Variants in TOPAZ1 observed in about 807,000 individuals in gnomAD.
TOPAZ1 encodes the protein protein TOPAZ1.
Under a neutral mutation model 172.2 loss-of-function variants are expected in TOPAZ1, and 66 were observed. The ratio of observed to expected loss-of-function variants is 0.38; its 90% CI spans 0.31 to 0.47. TOPAZ1 has a LOEUF of 0.47. TOPAZ1 is among the 20% of genes least tolerant of loss of function. The probability of loss-of-function intolerance (pLI) is 0.99; values close to 1 mark genes in which losing one functional copy is unlikely to be tolerated. For missense variants in TOPAZ1, 1,822 were observed against 1,972.4 expected (o/e 0.92, Z 1.44); for synonymous variants, 681 against 683.9 (o/e 1.00, Z 0.07).
In TOPAZ1 at chr3:44,254,987, T is replaced by C; in HGVS notation, c.2785T>C (p.Cys929Arg). ...DDLRELPVLD[C>R]GWIKPDICAS... Reference sequence around the variant, plus strand: ...TAATAGAGAACTTCCTGTACTGGACTGTGGATGGATAAAGCCAGACATCTG... The same window carrying C: ...TAATAGAGAACTTCCTGTACTGGACCGTGGATGGATAAAGCCAGACATCTG... Residue 929 changes from cysteine to arginine, a missense_variant, in exon 3 of 20, where the codon TGT becomes CGT. By Grantham distance (180) the Cys-to-Arg change is radical. This residue lies in a region of TOPAZ1 where 1,489 missense variants were observed against 1,490.8 expected (regional missense o/e 1.00). Coordinates refer to ENST00000309765, the MANE Select transcript of TOPAZ1 (RefSeq NM_001145030.2). 6.4e-7 allele frequency: 1 copy of C among 1,551,534 alleles called. No homozygotes were observed. Among genetic ancestry groups the C allele is most frequent in the Non-Finnish European group, 8.7e-7 (1 of 1,146,760 alleles).
chr3:44,244,101 C>G lies in TOPAZ1; in HGVS notation c.1595C>G (p.Pro532Arg), dbSNP rs34196405. ...SQESCRQVDVPKHQTNQTHLT... is the reference protein window; with the variant it reads ...SQESCRQVDVRKHQTNQTHLT... ...GAAAGTTGTAGGCAAGTTGATGTCC[C>G]TAAACACCAAACAAACCAGACCCAT... The change falls in exon 2 of 20, where the codon CCT becomes CGT. Residue 532 changes from proline (P) to arginine (R), a missense_variant. By Grantham distance (103) the Pro-to-Arg change is moderately radical. This residue lies in a region of TOPAZ1 where 1,489 missense variants were observed against 1,490.8 expected (regional missense o/e 1.00). Transcript: ENST00000309765. The G allele has an allele frequency of 3.9e-6, 6 of 1,551,502 alleles. No homozygotes were observed. The highest frequency in any genetic ancestry group is 5.2e-6 in the Non-Finnish European group (6 of 1,146,968).
At chr3:44,306,567 G>C (rs954226030) in intron 15 of TOPAZ1, 141 bp downstream of exon 15, 1 of 501,882 alleles carries the variant, frequency 2.0e-6, no homozygotes, top group Non-Finnish European at 3.6e-6. Context: ...ACTAGTGAGT[G>C]ATTTATTAGA....
intron 2 of TOPAZ1, among the ~76,000 whole-genome samples, chr3:44,252,062 T>C (rs958795579): frequency 6.6e-6 from 1 of 152,224 alleles, no homozygotes; most frequent in Non-Finnish European, 1.5e-5. Context: ...TTTACCTTCC[T>C]TGTAAGTTAG....
chr3:44,278,081 A>G (rs931230842), intron 8 of TOPAZ1, among the ~76,000 whole-genome samples: 2 of 152,174 alleles, frequency 1.3e-5, no homozygotes, highest in African/African-American at 4.8e-5. Flanking sequence ...TGAGATTTTT[A>G]TCATGAAGGG....
Position 44,244,807 on chromosome 3 carries a change from T to C in TOPAZ1, c.2301T>C (p.Tyr767=). The part of the protein sequence containing the change: ...SSDSFYNKKS[Y]SISPSFTKQG... ...ACTCATTCTACAATAAGAAATCCTA[T>C]AGTATTTCTCCAAGCTTTACAAAGC... Residue 767 remains tyrosine (Y), a synonymous_variant, in exon 2 of 20, where the codon TAT becomes TAC. Transcript: ENST00000309765. The C allele has an allele frequency of 6.4e-7, 1 of 1,551,604 alleles. No homozygotes were observed. The highest frequency in any genetic ancestry group is 1.2e-5 in the South Asian group (1 of 84,068).
At chr3:44,288,034 A>G (rs974389843) in intron 11 of TOPAZ1, among the ~76,000 whole-genome samples, 195 bp downstream of exon 11, 2 of 152,046 alleles carry the variant, frequency 1.3e-5, no homozygotes, top group African/African-American at 4.8e-5. Flanking sequence ...CTTCCTCTTA[A>G]ATAGTTTCAG....
At chr3:44,253,693 C>T (rs1177346625) in intron 2 of TOPAZ1, among the ~76,000 whole-genome samples, 1 of 152,110 alleles carries the variant, frequency 6.6e-6, no homozygotes, top group Non-Finnish European at 1.5e-5. Flanking sequence ...TGTATGTTTT[C>T]TGTTTGTATT....
intron 5 of TOPAZ1, among the ~76,000 whole-genome samples, chr3:44,263,183 A>C (rs1699793725): frequency 6.6e-6 from 1 of 152,200 alleles, no homozygotes; most frequent in South Asian, 2.1e-4. Context: ...GTGTTAAGGG[A>C]AAGACTGGGC....
downstream of TOPAZ1, chr3:44,332,165 A>G (rs1700678745): frequency 1.7e-6 from 1 of 582,220 alleles, no homozygotes; most frequent in Non-Finnish European, 3.0e-6. Context: ...TTTTATTGAT[A>G]TGTAATTTTC....
chr3:44,305,312 G>T lies in TOPAZ1; in HGVS notation c.4030G>T (p.Ala1344Ser). ...ERPDIPFCEF[A>S]ETVSKDPQNS... ...ACCAGATATTCCCTTTTGTGAATTTGCTGAAACAGGTAAAATGTAACTATT... is the reference window on the plus strand; with the variant it reads ...ACCAGATATTCCCTTTTGTGAATTTTCTGAAACAGGTAAAATGTAACTATT... The change falls in exon 14 of 20, where the codon GCT becomes TCT. Residue 1344 changes from alanine to serine, a missense_variant. Physicochemically the swap from Ala to Ser is moderately conservative, Grantham distance 99. This residue lies in a region of TOPAZ1 where 333 missense variants were observed against 481.7 expected (regional missense o/e 0.69). Transcript: ENST00000309765. 2 of 1,535,608 alleles carry T rather than the reference G, an allele frequency of 1.3e-6. No individual in the cohort carries two copies.
chr3:44,298,382 C>A (rs991500569), intron 12 of TOPAZ1, among the ~76,000 whole-genome samples: 9 of 151,974 alleles, frequency 5.9e-5, no homozygotes, highest in African/African-American at 2.2e-4. Flanking sequence ...CACTTGAGCC[C>A]CAGAGGTAGA....
intron 4 of TOPAZ1, among the ~76,000 whole-genome samples, chr3:44,261,817 G>A (rs1471284129): frequency 6.6e-5 from 10 of 152,076 alleles, no homozygotes; most frequent in Admixed American, 2.0e-4. Context: ...AGTTGATGTC[G>A]TCTGTGCTTT....
chr3:44,246,529 A>G (rs1699568757), intron 2 of TOPAZ1, among the ~76,000 whole-genome samples: 1 of 152,196 alleles, frequency 6.6e-6, no homozygotes, highest in African/African-American at 2.4e-5. Context: ...TATGTGCCAA[A>G]TGGAGAACCA....
chr3:44,322,687 G>A (rs1236712855), intron 17 of TOPAZ1, among the ~76,000 whole-genome samples: 1 of 152,152 alleles, frequency 6.6e-6, no homozygotes, highest in Non-Finnish European at 1.5e-5. Flanking sequence ...GGCGTGTTCA[G>A]GGTGGTATGG....
intron 2 of TOPAZ1, among the ~76,000 whole-genome samples, chr3:44,251,936 TAA>T (rs1383268610): frequency 6.6e-6 from 1 of 152,212 alleles, no homozygotes; most frequent in Non-Finnish European, 1.5e-5. Context: ...AATATTTGTA[TAA>T]GTTACAATTT....
At chr3:44,279,215 A>C (rs1004129453) in intron 8 of TOPAZ1, among the ~76,000 whole-genome samples, 6 of 151,932 alleles carry the variant, frequency 3.9e-5, no homozygotes, top group Admixed American at 3.9e-4. Context: ...TGATTTTTTA[A>C]ATTGCTGGTT....
intron 12 of TOPAZ1, among the ~76,000 whole-genome samples, chr3:44,300,290 C>T (rs1042174129): frequency 6.6e-6 from 1 of 151,804 alleles, no homozygotes; most frequent in Admixed American, 6.6e-5. Context: ...AAAAATTACC[C>T]AGGCATGGTG....
chr3:44,307,111 C>G (rs2125700361), intron 15 of TOPAZ1, among the ~76,000 whole-genome samples: 1 of 152,262 alleles, frequency 6.6e-6, no homozygotes, highest in South Asian at 2.1e-4. Flanking sequence ...CAGCCTCCGC[C>G]TCCCAGGTTC....
intron 16 of TOPAZ1, among the ~76,000 whole-genome samples, chr3:44,315,387 G>C (rs1385774638): frequency 3.3e-5 from 5 of 151,088 alleles, no homozygotes; most frequent in Non-Finnish European, 2.9e-5. Context: ...TTTTTTCTGA[G>C]ATGGAATCTT....
Sources: gnomAD v4.1 joint callset for allele counts (sites outside exome capture counted in the v4.1 genomes callset) on GRCh38, gnomAD v4.1.1 for gene constraint, gnomAD v4.1.1 regional missense constraint, MANE v1.5 for transcripts, NCBI Gene and HGNC (gene_info 2026-07-23, HGNC 2026-07-21) for gene names.